The following SPG7 variants were observed in gnomAD, a reference collection of about 807,000 sequenced individuals.
SPG7 encodes the protein SPG7 matrix AAA peptidase subunit, paraplegin, also known as mitochondrial inner membrane m-AAA protease component paraplegin.
SPG7 carries 103 observed loss-of-function variants against 81.9 expected under a neutral mutation model. The observed-to-expected ratio is 1.26, with a 90% CI of 1.07 to 1.48. The LOEUF (loss-of-function observed/expected upper bound fraction) is 1.48, where lower values mean the gene tolerates loss of function less well. Among genes scored for constraint, SPG7 ranks in the 40% most tolerant of loss-of-function variants. The pLI, the probability that SPG7 is intolerant of heterozygous loss-of-function variation, is 0.00. For missense variants in SPG7, 1,241 were observed against 1,087.3 expected (o/e 1.14, Z -1.99); for synonymous variants, 534 against 444.2 (o/e 1.20, Z -2.54).
intron 3 of SPG7, among the ~76,000 whole-genome samples, chr16:89,515,916 C>T (rs1164448365): frequency 6.6e-6 from 1 of 151,680 alleles, no homozygotes; most frequent in Non-Finnish European, 1.5e-5. Context: ...ACCATGTTGG[C>T]AAGGATGGTC....
At chr16:89,515,866 C>T (rs2058089583) in intron 3 of SPG7, among the ~76,000 whole-genome samples, 2 of 151,910 alleles carry the variant, frequency 1.3e-5, no homozygotes, top group Admixed American at 6.6e-5. Context: ...CGCCACCACG[C>T]CCAGCTAATT....
At chr16:89,556,153 C>T in intron 16 of SPG7, 2 of 399,080 alleles carry the variant, frequency 5.0e-6, no homozygotes. Context: ...TACTCACACA[C>T]TCAGTGGGTT....
Position 89,512,889 on chromosome 16 carries a change from G to C in SPG7, c.287-59G>C, listed in dbSNP as rs888565348. ...TTATTTAGGAGTACACTGTTGTCCT[G>C]TATGCCTCCCCTGTGGTTGCAAAAC... is the stretch of plus-strand genomic sequence containing the variant. On this transcript the variant is annotated intron_variant, in intron 2 of 16. Transcript: ENST00000645818. The C allele has an allele frequency of 3.8e-6, 6 of 1,598,462 alleles. No homozygotes were observed. In the African/African-American group the frequency reaches 6.7e-5, roughly 18 times the overall value.
At chr16:89,539,507 A>C (rs183025600) in intron 9 of SPG7, 8 of 152,320 alleles carry the variant, frequency 5.3e-5, no homozygotes, top group Admixed American at 5.2e-4. Context: ...TCTCAAAAAA[A>C]CAAATAAATA....
Position 89,522,650 on chromosome 16 carries a change from G to A in SPG7, c.377-1356G>A, listed in dbSNP as rs541046862. 27 of 153,000 alleles carry A rather than the reference G, an allele frequency of 1.8e-4. No homozygotes were observed. In the South Asian group the frequency reaches 4.7e-3, roughly 27 times the overall value. The allele number at this position is 153,000 out of a possible 1,614,324, so 9.5% of individuals were successfully genotyped here. On this transcript the variant is annotated intron_variant, in intron 3 of 16. Coordinates refer to ENST00000645818, the MANE Select transcript of SPG7 (RefSeq NM_003119.4). Reference sequence around the variant, plus strand: ...TGTCCGTGGTGGTTTGTCCGCAGGCGCAGGTGTTCTGCAGATGACGCCCTT... The same window carrying A: ...TGTCCGTGGTGGTTTGTCCGCAGGCACAGGTGTTCTGCAGATGACGCCCTT...
intron 13 of SPG7, 152 bp from the exon 14 acceptor site, chr16:89,552,827 G>A (rs1169144160): frequency 2.7e-6 from 2 of 731,804 alleles, no homozygotes; most frequent in Non-Finnish European, 4.8e-6. Context: ...GCCATCTAGA[G>A]TGTTAGGATC....
intron 10 of SPG7, 106 bp from the exon 11 acceptor site, chr16:89,546,552 T>C: frequency 1.2e-6 from 1 of 814,600 alleles, no homozygotes; most frequent in African/African-American, 1.7e-5. Flanking sequence ...CACACACTTG[T>C]AATCCCAGCT....
At chr16:89,523,887 C>A (rs1362939797) in intron 3 of SPG7, 119 bp from the exon 4 acceptor site, 3 of 1,278,146 alleles carry the variant, frequency 2.3e-6, no homozygotes, top group African/African-American at 2.9e-5. Context: ...AGTGCAGGAT[C>A]TTCTGTGCAG....
intron 3 of SPG7, chr16:89,519,997 CT>C (rs2058163535): frequency 6.6e-6 from 1 of 152,280 alleles, no homozygotes; most frequent in Non-Finnish European, 1.5e-5. Context: ...GGCAACAAAA[CT>C]TGCCAGTGGT....
intron 12 of SPG7, chr16:89,550,247 A>G: frequency 2.2e-6 from 1 of 449,370 alleles, no homozygotes; most frequent in Non-Finnish European, 4.2e-6. Context: ...ATCTTGCCCT[A>G]CTGTAACCTC....
chr16:89,544,623 G>A lies in SPG7; in HGVS notation c.1325-25G>A, dbSNP rs1244450941. On this transcript the variant is annotated intron_variant, in intron 9 of 16. Transcript: ENST00000645818. ...TTGTGTCAGGACCCCTACCCTCAGAGCCACTGTCTGCTCTGTCCCCTCAGG... is the reference window on the plus strand; with the variant it reads ...TTGTGTCAGGACCCCTACCCTCAGAACCACTGTCTGCTCTGTCCCCTCAGG... The A allele has an allele frequency of 5.0e-6, 8 of 1,613,712 alleles. No homozygotes were observed. In the Middle Eastern group the frequency reaches 4.9e-4, roughly 100 times the overall value.
At chr16:89,534,420 GGT>G (rs1393712020) in intron 9 of SPG7, among the ~76,000 whole-genome samples, 1 of 152,192 alleles carries the variant, frequency 6.6e-6, no homozygotes, top group Non-Finnish European at 1.5e-5. Context: ...TGTGGACTGT[GGT>G]GAATCAGGCT....
chr16:89,527,110 A>G (rs940503723), intron 5 of SPG7: 6 of 164,896 alleles, frequency 3.6e-5, no homozygotes, highest in South Asian at 1.5e-4. Context: ...TACTATTTCA[A>G]TCGTTGTTAT....
At position 89,546,769 on chromosome 16, in the gene SPG7, T is replaced by A. The variant is rs777531975; in HGVS notation, c.1552+9T>A. On this transcript the variant is annotated intron_variant, in intron 11 of 16. Coordinates refer to ENST00000645818, the MANE Select transcript of SPG7 (RefSeq NM_003119.4). ...GACACCAGGATTCAGTGGTACGTTC[T>A]CAACCCGCAGCCTGGGCAGCGTCAC... 4.4e-6 allele frequency: 7 copies of A among 1,590,622 alleles called. No individual in the cohort carries two copies. Among genetic ancestry groups the A allele is most frequent in the Non-Finnish European group, 6.0e-6 (7 of 1,158,578 alleles).
chr16:89,546,280 T>C, intron 10 of SPG7: 2 of 290,630 alleles, frequency 6.9e-6, no homozygotes, highest in Non-Finnish European at 1.4e-5. Flanking sequence ...GGGATGGGGT[T>C]TCACCGTGTT....
In SPG7 at chr16:89,553,908, T is replaced by C; in HGVS notation, c.2051T>C (p.Met684Thr). Reference sequence around the variant, plus strand: ...TTCCCTGAGGCGCAGGAGGGCCTCATGGGCATCGGGCGGCGCCCCTTCAGC... The same window carrying C: ...TTCCCTGAGGCGCAGGAGGGCCTCACGGGCATCGGGCGGCGCCCCTTCAGC... Reference protein sequence around the residue: ...ISFPEAQEGLMGIGRRPFSQG... With the variant: ...ISFPEAQEGLTGIGRRPFSQG... Residue 684 changes from methionine to threonine, a missense_variant, in exon 15 of 17, where the codon ATG (methionine) becomes ACG (threonine). Met to Thr is a moderately conservative substitution (Grantham distance 81, BLOSUM62 -1). Coordinates refer to ENST00000645818, the MANE Select transcript of SPG7 (RefSeq NM_003119.4). The C allele has an allele frequency of 6.2e-7, 1 of 1,612,968 alleles. No homozygotes were observed.
intron 9 of SPG7, chr16:89,539,736 T>C (rs1292384848): frequency 1.3e-5 from 2 of 151,990 alleles, no homozygotes; most frequent in African/African-American, 4.8e-5. Flanking sequence ...GCCTGGCTAA[T>C]TAAAAAAGAA....
intron 12 of SPG7, chr16:89,548,653 G>A (rs112121852): frequency 0.012 from 3,905 of 334,108 alleles, 37 homozygotes; most frequent in East Asian, 0.034. Context: ...ACGGGTGACC[G>A]GTGGGCTGAC....
At chr16:89,553,206 G>A in intron 14 of SPG7, 71 bp downstream of exon 14, 1 of 1,409,864 alleles carries the variant, frequency 7.1e-7, no homozygotes. Context: ...CTGTTCCAGT[G>A]CATGCCATGG....
Sources: allele counts gnomAD v4.1 joint callset (sites outside exome capture counted in the v4.1 genomes callset), GRCh38; gene constraint gnomAD v4.1.1; transcripts MANE v1.5; gene names NCBI Gene and HGNC (gene_info 2026-07-23, HGNC 2026-07-21).